The following RBM12B variants were observed in gnomAD, a reference collection of about 807,000 sequenced individuals.
The protein encoded by RBM12B is RNA-binding protein 12B.
A neutral mutation model predicts 34.3 loss-of-function variants in RBM12B; 10 were observed. The ratio of observed to expected loss-of-function variants is 0.29; its 90% CI spans 0.18 to 0.49. The LOEUF is 0.49. Among genes scored for constraint, RBM12B ranks in the 20% least tolerant of loss-of-function variants. The probability of loss-of-function intolerance (pLI) is 0.99; values close to 1 mark genes in which losing one functional copy is unlikely to be tolerated. For synonymous variants in RBM12B, 477 were observed against 437.1 expected (o/e 1.09, Z -1.14); for missense variants, 1,139 against 1,262.7 (o/e 0.90, Z 1.48).
rs773739959 is a variant in RBM12B at position 93,734,092 on chromosome 8, G to A, written c.2319C>T (p.Arg773=). The change falls in exon 4 of 4, where the codon CGC becomes CGT. Residue 773 remains arginine, a synonymous_variant. Transcript: ENST00000520560. Reference sequence around the variant, plus strand: ...GTCTCCGGAAGTGCTCCGGGGGCGGGCGCCTGAAATGCTCTGGGGGTGGCC... The same window carrying A: ...GTCTCCGGAAGTGCTCCGGGGGCGGACGCCTGAAATGCTCTGGGGGTGGCC... ...FRRPPPEHFR[R]PPPEHFRRPP... The A allele has an allele frequency of 1.3e-6, 2 of 1,560,772 alleles. No individual in the cohort carries two copies. The highest frequency in any genetic ancestry group is 2.0e-5 in the Admixed American group (1 of 50,350).
At position 93,732,875 on chromosome 8, in the gene RBM12B, G is replaced by GT. The variant is rs1002256822; in HGVS notation, c.*529dup. ...AGCTTTTTACATAAGTAAATTTCAA[G>GT]TTGACAGTCTGTCCATTTTGAACTA... On this transcript the variant is annotated 3_prime_UTR_variant, in exon 4 of 4. Transcript: ENST00000520560. 1 of 152,108 alleles carries GT rather than the reference G, an allele frequency of 6.6e-6. No homozygotes were observed. Among genetic ancestry groups the GT allele is most frequent in the African/African-American group, 2.4e-5 (1 of 41,406 alleles). 9.4% of individuals were successfully genotyped at this position (152,108 alleles called of 1,614,324 possible). A position where few individuals can be genotyped will look rare whatever the true frequency, so the allele number is the denominator to read the frequency against.
At chr8:93,738,075 C>T in intron 2 of RBM12B, among the ~76,000 whole-genome samples, 1 of 152,166 alleles carries the variant, frequency 6.6e-6, no homozygotes, top group East Asian at 1.9e-4. Flanking sequence ...ACAGCTCATA[C>T]ATCCAAGCAC....
rs780012583 is a variant in RBM12B at position 93,734,352 on chromosome 8, G to A, written c.2059C>T (p.Leu687Phe). The part of the protein sequence containing the change: ...RPPEEDFRRP[L>F]QGEWRRPPED... ...GGTGGTCGCCTCCATTCTCCCTGAA[G>A]AGGCCGCCTAAAGTCCTCCTCTGGG... Residue 687 changes from leucine to phenylalanine, a missense_variant, in exon 4 of 4, where the codon CTT becomes TTT. By Grantham distance (22) the Leu-to-Phe change is conservative. Around this residue, in one of 3 missense-constraint regions of RBM12B, gnomAD observed 863 missense variants for 869.5 expected, o/e 0.99. Coordinates refer to ENST00000520560, the MANE Select transcript of RBM12B (RefSeq NM_001377960.1). The A allele has an allele frequency of 1.2e-6, 2 of 1,611,852 alleles. No homozygotes were observed. Among genetic ancestry groups the A allele is most frequent in the East Asian group, 2.2e-5 (1 of 44,670 alleles).
At position 93,732,364 on chromosome 8, in the gene RBM12B, AAAG is replaced by A. The variant is rs1811822412; in HGVS notation, c.*1038_*1040del. 1.3e-5 allele frequency: 2 copies of A among 152,240 alleles called. No homozygotes were observed. Among genetic ancestry groups the A allele is most frequent in the Admixed American group, 6.5e-5 (1 of 15,284 alleles). The allele number at this position is 152,240 out of a possible 1,614,324, so 9.4% of individuals were successfully genotyped here. On this transcript the variant is annotated 3_prime_UTR_variant, in exon 4 of 4. Transcript: ENST00000520560. ...ATGTATGCACTAAATGCTGAATATC[AAAG>A]AAGTCAAAATTCAACCACACAAGTC...
At position 93,732,220 on chromosome 8, in the gene RBM12B, G is replaced by A. The variant is rs574838190; in HGVS notation, c.*1185C>T. 6.6e-6 allele frequency: 1 copy of A among 152,304 alleles called. No individual in the cohort carries two copies. Among genetic ancestry groups the A allele is most frequent in the South Asian group, 2.1e-4 (1 of 4,826 alleles). The allele number at this position is 152,304 out of a possible 1,614,324, so 9.4% of individuals were successfully genotyped here. ...GTAAATAATTAACCCTGTACTCACA[G>A]GGAATACCGAGATTATGCATGTAAA... On this transcript the variant is annotated 3_prime_UTR_variant, in exon 4 of 4. Transcript: ENST00000520560.
In RBM12B at chr8:93,733,836, G is replaced by A. The variant is rs753141114; in HGVS notation, c.2575C>T (p.Pro859Ser). 2.0e-5 allele frequency: 33 copies of A among 1,613,930 alleles called. No homozygotes were observed. Among genetic ancestry groups the A allele is most frequent in the Non-Finnish European group, 2.8e-5 (33 of 1,180,006 alleles). Residue 859 changes from proline (P) to serine (S), a missense_variant, in exon 4 of 4, where the codon CCT becomes TCT. Physicochemically the swap from Pro to Ser is moderately conservative, Grantham distance 74 (BLOSUM62 -1). This residue lies in a region of RBM12B where 863 missense variants were observed against 869.5 expected (regional missense o/e 0.99). Coordinates refer to ENST00000520560, the MANE Select transcript of RBM12B (RefSeq NM_001377960.1). ...GGTCTAAAATTGTCAGGAAGTCTAG[G>A]GTCCTCCTCCGGAGCTTCCCTAAGG... Reference protein sequence around the residue: ...EDLREAPEEDPRLPDNFRPPG... With the variant: ...EDLREAPEEDSRLPDNFRPPG...
In RBM12B at chr8:93,730,421, G is replaced by A. The variant is rs1488438264; in HGVS notation, c.*2984C>T. ...TTTTAGATAATTTCTAGACAAAAAT[G>A]TTTGGCTTTAAGACAAATGCCACTG... On this transcript the variant is annotated 3_prime_UTR_variant, in exon 4 of 4. Transcript: ENST00000520560. 1 of 152,124 alleles carries A rather than the reference G, an allele frequency of 6.6e-6. No individual in the cohort carries two copies. Among genetic ancestry groups the A allele is most frequent in the Non-Finnish European group, 1.5e-5 (1 of 68,014 alleles). 9.4% of individuals were successfully genotyped at this position (152,124 alleles called of 1,614,324 possible).
Position 93,734,439 on chromosome 8 carries a change from C to A in RBM12B, c.1972G>T (p.Asp658Tyr), listed in dbSNP as rs1351804410. The A allele has an allele frequency of 1.9e-6, 3 of 1,605,166 alleles. No individual in the cohort carries two copies. In the African/African-American group the frequency reaches 4.0e-5, roughly 22 times the overall value. ...EEDFRQPPEE[D>Y]LRWLPEEDFR... ...TCTTCCTCTGGGAGCCACCTTAAGT[C>A]CTCCTCAGGGGGTTGCCTGAAGTCC... The change falls in exon 4 of 4, where the codon GAC becomes TAC. Residue 658 changes from aspartate (D) to tyrosine (Y), a missense_variant. By Grantham distance (160) the Asp-to-Tyr change is radical. Coordinates refer to ENST00000520560, the MANE Select transcript of RBM12B (RefSeq NM_001377960.1).
rs3133974 is a variant in RBM12B, at chr8:93,734,470, G to C, written c.1941C>G (p.Pro647=). The C allele has an allele frequency of 6.2e-7, 1 of 1,611,966 alleles. No individual in the cohort carries two copies. The highest frequency in any genetic ancestry group is 1.1e-5 in the South Asian group (1 of 91,030). The stretch of plus-strand genomic sequence containing the variant: ...CAGGGGGTTGCCTGAAGTCCTCCTC[G>C]GGGAGCTGCCTGAAGTCCTCCGTGG... ...RSPTEDFRQL[P]EEDFRQPPEE... Residue 647 remains proline, a synonymous_variant, in exon 4 of 4, where the codon CCC becomes CCG. Coordinates refer to ENST00000520560, the MANE Select transcript of RBM12B (RefSeq NM_001377960.1).
chr8:93,734,316 A>G lies in RBM12B; in HGVS notation c.2095T>C (p.Phe699Leu). 1 of 1,613,576 alleles carries G rather than the reference A, an allele frequency of 6.2e-7. No homozygotes were observed. The highest frequency in any genetic ancestry group is 8.5e-7 in the Non-Finnish European group (1 of 1,179,864). The change falls in exon 4 of 4, where the codon TTC (phenylalanine) becomes CTC (leucine). Residue 699 changes from phenylalanine to leucine, a missense_variant. Phe to Leu is a conservative substitution (Grantham distance 22). Coordinates refer to ENST00000520560, the MANE Select transcript of RBM12B (RefSeq NM_001377960.1). ...GEWRRPPEDD[F>L]RRPPEEDFRH... Reference sequence around the variant, plus strand: ...AAATCCTCCTCTGGGGGCCGCCTGAAGTCATCCTCGGGTGGTCGCCTCCAT... The same window carrying G: ...AAATCCTCCTCTGGGGGCCGCCTGAGGTCATCCTCGGGTGGTCGCCTCCAT...
chr8:93,734,764 C>A lies in RBM12B; in HGVS notation c.1647G>T (p.Gln549His), dbSNP rs745891112. The part of the protein sequence containing the change: ...NFKHPQRDFR[Q>H]PDRHPPEDFR... ...AGTCTTCTGGAGGGTGCCTGTCAGG[C>A]TGCCGGAAATCCCTCTGGGGATGCT... The change falls in exon 4 of 4, where the codon CAG becomes CAT. Residue 549 changes from glutamine (Q) to histidine (H), a missense_variant. Around this residue, in one of 3 missense-constraint regions of RBM12B, gnomAD observed 863 missense variants for 869.5 expected, o/e 0.99. Transcript: ENST00000520560. 6 of 1,614,098 alleles carry A rather than the reference C, an allele frequency of 3.7e-6. No homozygotes were observed. In the Admixed American group the frequency reaches 1.0e-4, roughly 27 times the overall value.
At position 93,732,382 on chromosome 8, in the gene RBM12B, CCA is replaced by C. The variant is rs1406493820; in HGVS notation, c.*1021_*1022del. 2.6e-5 allele frequency: 4 copies of C among 152,164 alleles called. No individual in the cohort carries two copies. Among genetic ancestry groups the C allele is most frequent in the African/African-American group, 9.7e-5 (4 of 41,440 alleles). The allele number at this position is 152,164 out of a possible 1,614,324, so 9.4% of individuals were successfully genotyped here. On this transcript the variant is annotated 3_prime_UTR_variant, in exon 4 of 4. Transcript: ENST00000520560. ...GAATATCAAAGAAGTCAAAATTCAACCACACAAGTCTTAACAGTTATAGAGTC... is the reference window on the plus strand; with the variant it reads ...GAATATCAAAGAAGTCAAAATTCAACCACAAGTCTTAACAGTTATAGAGTC...
Position 93,731,519 on chromosome 8 carries a change from C to G in RBM12B, c.*1886G>C, listed in dbSNP as rs1270072054. On this transcript the variant is annotated 3_prime_UTR_variant, in exon 4 of 4. Transcript: ENST00000520560. ...AGGTGCTTTTTCATATCAAATTTAC[C>G]TGTTTATTCATTCCATAGCAAGCAG... The G allele has an allele frequency of 6.6e-6, 1 of 152,088 alleles. No individual in the cohort carries two copies. Among genetic ancestry groups the G allele is most frequent in the African/African-American group, 2.4e-5 (1 of 41,410 alleles). 9.4% of individuals were successfully genotyped at this position (152,088 alleles called of 1,614,324 possible).
In RBM12B at chr8:93,728,458, A is replaced by G; in HGVS notation, c.*4947T>C. The stretch of plus-strand genomic sequence containing the variant: ...ATGCTGACCAAAAATGAAGGCTTTA[A>G]AAAATATTGCATACCAGTCATTTCA... On this transcript the variant is annotated 3_prime_UTR_variant, in exon 4 of 4. Coordinates refer to ENST00000520560, the MANE Select transcript of RBM12B (RefSeq NM_001377960.1). The G allele has an allele frequency of 2.0e-6, 1 of 505,034 alleles. No homozygotes were observed. Among genetic ancestry groups the G allele is most frequent in the Non-Finnish European group, 3.5e-6 (1 of 285,540 alleles). 31.3% of individuals were successfully genotyped at this position (505,034 alleles called of 1,614,324 possible).
Position 93,733,736 on chromosome 8 carries a change from T to C in RBM12B, c.2675A>G (p.Glu892Gly), listed in dbSNP as rs1811871787. The change falls in exon 4 of 4, where the codon GAA (glutamate) becomes GGA (glycine). Residue 892 changes from glutamate to glycine, a missense_variant. By Grantham distance (98) the Glu-to-Gly change is moderately conservative. Coordinates refer to ENST00000520560, the MANE Select transcript of RBM12B (RefSeq NM_001377960.1). ...HRPFVNFGRP[E>G]GGKFDFGKHN... The stretch of plus-strand genomic sequence containing the variant: ...CTTTCCAAAATCAAACTTGCCACCT[T>C]CTGGGCGACCAAAATTCACAAAAGG... 3.1e-6 allele frequency: 5 copies of C among 1,614,022 alleles called. No individual in the cohort carries two copies. The highest frequency in any genetic ancestry group is 3.4e-6 in the Non-Finnish European group (4 of 1,180,034).
rs1397620270 is a variant in RBM12B, at chr8:93,730,605, G to C, written c.*2800C>G. 1.3e-5 allele frequency: 2 copies of C among 152,114 alleles called. No individual in the cohort carries two copies. Among genetic ancestry groups the C allele is most frequent in the Non-Finnish European group, 2.9e-5 (2 of 68,026 alleles). The allele number at this position is 152,114 out of a possible 1,614,324, so 9.4% of individuals were successfully genotyped here. On this transcript the variant is annotated 3_prime_UTR_variant, in exon 4 of 4. Transcript: ENST00000520560. ...TTTGAAATTGATGAGGTGCTGGGAA[G>C]CTGGCTTTCTGAGGGGACAACAGGA...
Position 93,734,016 on chromosome 8 carries a change from G to A in RBM12B, c.2395C>T (p.Arg799Ter). The change falls in exon 4 of 4, where the codon CGA becomes TGA. Residue 799 changes from arginine to a stop codon, truncating the protein, a stop_gained. Transcript: ENST00000520560. LOFTEE classifies it high-confidence loss of function. ...RPPQEHFRRS[R>*]EEDFRHPPDE... ...GGTGGGTGCCTGAAATCTTCCTCTC[G>A]GGAGCGCCTGAAATGCTCCTGAGGC... 1 of 1,607,994 alleles carries A rather than the reference G, an allele frequency of 6.2e-7. No individual in the cohort carries two copies. Among genetic ancestry groups the A allele is most frequent in the Non-Finnish European group, 8.5e-7 (1 of 1,178,368 alleles).
In RBM12B at chr8:93,731,585, AG is replaced by A. The variant is rs1445689332; in HGVS notation, c.*1819del. The A allele has an allele frequency of 6.6e-6, 1 of 152,232 alleles. No homozygotes were observed. Among genetic ancestry groups the A allele is most frequent in the African/African-American group, 2.4e-5 (1 of 41,470 alleles). 9.4% of individuals were successfully genotyped at this position (152,232 alleles called of 1,614,324 possible). A position where few individuals can be genotyped will look rare whatever the true frequency, so the allele number is the denominator to read the frequency against. On this transcript the variant is annotated 3_prime_UTR_variant, in exon 4 of 4. Coordinates refer to ENST00000520560, the MANE Select transcript of RBM12B (RefSeq NM_001377960.1). ...AAACAAATTTAAGCAGATTTCTGTT[AG>A]ATTTCTTTAAATCACTGAAAAGTAA...
Position 93,734,406 on chromosome 8 carries a change from G to T in RBM12B, c.2005C>A (p.Arg669=). Reference sequence around the variant, plus strand: ...CGTCTCCAGTCCTCCTCAGGTGGCCGCCTGAAATCTTCCTCTGGGAGCCAC... The same window carrying T: ...CGTCTCCAGTCCTCCTCAGGTGGCCTCCTGAAATCTTCCTCTGGGAGCCAC... The part of the protein sequence containing the change: ...LRWLPEEDFR[R]PPEEDWRRPP... Residue 669 remains arginine (R), a synonymous_variant, in exon 4 of 4, where the codon CGG becomes AGG. Transcript: ENST00000520560. 1 of 1,612,794 alleles carries T rather than the reference G, an allele frequency of 6.2e-7. No homozygotes were observed. Among genetic ancestry groups the T allele is most frequent in the South Asian group, 1.1e-5 (1 of 91,024 alleles).
Sources: allele counts gnomAD v4.1 joint callset (sites outside exome capture counted in the v4.1 genomes callset), GRCh38; gene constraint gnomAD v4.1.1; regional missense constraint gnomAD v4.1.1; transcripts MANE v1.5; gene names NCBI Gene and HGNC (gene_info 2026-07-23, HGNC 2026-07-21).